Variants in FOXP1 observed in about 807,000 individuals in gnomAD.
FOXP1 encodes the protein forkhead box protein P1.
A neutral mutation model predicts 98.2 loss-of-function variants in FOXP1; 15 were observed. That is an observed-to-expected ratio of 0.15 (90% CI 0.10 to 0.24). The LOEUF is 0.24. FOXP1 is among the 10% of genes least tolerant of loss of function. The pLI, the probability that FOXP1 is intolerant of heterozygous loss-of-function variation, is 1.00. For synonymous variants in FOXP1, 371 were observed against 314.5 expected, an observed-to-expected ratio of 1.18 and a Z score of -1.90; for missense variants, 633 against 848.5, an observed-to-expected ratio of 0.75 and a Z score of 3.15.
intron 11 of FOXP1, among the ~76,000 whole-genome samples, chr3:71,024,995 C>T (rs1264078495): frequency 6.6e-6 from 1 of 152,190 alleles, no homozygotes; most frequent in Non-Finnish European, 1.5e-5. Context: ...TATACCCTCA[C>T]TTCCATAGTT....
At chr3:71,324,867 G>C (rs1237689030) in intron 4 of FOXP1, among the ~76,000 whole-genome samples, 2 of 151,980 alleles carry the variant, frequency 1.3e-5, no homozygotes, top group Admixed American at 1.3e-4. Flanking sequence ...TTGGAACAAA[G>C]GGCCATGCTA....
intron 6 of FOXP1, among the ~76,000 whole-genome samples, chr3:71,173,388 C>CACACAG (rs1239188609): frequency 2.8e-5 from 3 of 107,638 alleles, no homozygotes; most frequent in African/African-American, 9.5e-5. Flanking sequence ...AAAATTCACA[C>CACACAG]ACACACACAC....
intron 6 of FOXP1, among the ~76,000 whole-genome samples, chr3:71,185,038 C>G (rs1395268570): frequency 6.6e-6 from 1 of 151,900 alleles, no homozygotes; most frequent in Non-Finnish European, 1.5e-5. Flanking sequence ...ACTAAAAATA[C>G]AAAAATTAGC....
chr3:71,224,945 T>C (rs1222185403), intron 5 of FOXP1, among the ~76,000 whole-genome samples: 1 of 152,140 alleles, frequency 6.6e-6, no homozygotes, highest in African/African-American at 2.4e-5. Flanking sequence ...AGTCAATATT[T>C]TGAATGAGTG....
chr3:71,174,783 C>CAT (rs1308775734), intron 6 of FOXP1, among the ~76,000 whole-genome samples: 44 of 131,950 alleles, frequency 3.3e-4, no homozygotes, highest in Admixed American at 2.0e-3. Flanking sequence ...TATGCACATG[C>CAT]ATACACACAC....
At chr3:71,267,971 T>A (rs560224943) in intron 5 of FOXP1, among the ~76,000 whole-genome samples, 13 of 133,004 alleles carry the variant, frequency 9.8e-5, no homozygotes, top group African/African-American at 3.7e-4. Context: ...TGAGCTGAGA[T>A]CACAGCACTG....
At chr3:71,193,210 G>C (rs142092256) in intron 6 of FOXP1, among the ~76,000 whole-genome samples, 16,974 of 109,678 alleles carry the variant, frequency 0.15, 2,142 homozygotes, top group African/African-American at 0.27. Flanking sequence ...TGCAGTGGTG[G>C]GATCTCGGCT....
chr3:70,960,684 G>T (rs1023977383), intron 20 of FOXP1, among the ~76,000 whole-genome samples: 2 of 152,048 alleles, frequency 1.3e-5, no homozygotes, highest in East Asian at 3.8e-4. Flanking sequence ...AATTGATGCT[G>T]TATGCAAACC....
In FOXP1 at chr3:71,483,433, A is replaced by G. The variant is rs74750153; in HGVS notation, c.-168+9993T>C. Among the ~76,000 whole-genome samples the G allele has an allele frequency of 8.9e-3, 1,349 of 152,268 alleles. 6 individuals carry two copies. Among genetic ancestry groups the G allele is most frequent in the Non-Finnish European group, 0.015 (1,003 of 68,032 alleles). On this transcript the variant is annotated intron_variant, in intron 3 of 20. Coordinates refer to ENST00000649528, the MANE Select transcript of FOXP1 (RefSeq NM_001349338.3). ...GGCCGGTCCTCGCCACTACTTCCCA[A>G]TCTTCTTCCAGACTGGGGCTTGGCA...
At chr3:71,091,298 T>C (rs985357925) in intron 7 of FOXP1, among the ~76,000 whole-genome samples, 1 of 152,022 alleles carries the variant, frequency 6.6e-6, no homozygotes, top group Non-Finnish European at 1.5e-5. Context: ...GAGACCAGCC[T>C]GACCAACATG....
intron 3 of FOXP1, among the ~76,000 whole-genome samples, chr3:71,393,750 AG>A (rs1366902120): frequency 6.6e-6 from 1 of 152,218 alleles, no homozygotes; most frequent in Admixed American, 6.5e-5. Context: ...AAATCAAAGC[AG>A]TTTTAACATT....
Position 71,223,709 on chromosome 3 carries a change from A to G in FOXP1, c.-11-25317T>C, listed in dbSNP as rs563338445. Among the ~76,000 whole-genome samples the G allele has an allele frequency of 4.4e-3, 664 of 152,120 alleles. 3 individuals carry two copies. The highest frequency in any genetic ancestry group is 0.014 in the African/African-American group (564 of 41,478). On this transcript the variant is annotated intron_variant, in intron 5 of 20. Transcript: ENST00000649528. ...ACTACGTCTCAAAAAAAAAAAAAAA[A>G]AAAGAAAATATTTCATTCTAAAGTA... is the stretch of plus-strand genomic sequence containing the variant.
intron 2 of FOXP1, among the ~76,000 whole-genome samples, chr3:71,553,497 T>C (rs1437888437): frequency 6.6e-6 from 1 of 152,216 alleles, no homozygotes; most frequent in Non-Finnish European, 1.5e-5. Flanking sequence ...AATGTTCACT[T>C]TTTGAGCTCA....
chr3:71,581,770 C>CG (rs1464824060), intron 1 of FOXP1, 73 bp from the exon 2 acceptor site: 2 of 985,660 alleles, frequency 2.0e-6, no homozygotes, highest in African/African-American at 3.5e-5. Flanking sequence ...CTGAAGGGGA[C>CG]GGGACGGGTG....
At chr3:71,343,918 A>C (rs899590574) in intron 4 of FOXP1, among the ~76,000 whole-genome samples, 1 of 152,228 alleles carries the variant, frequency 6.6e-6, no homozygotes, top group African/African-American at 2.4e-5. Context: ...GTCAACACTA[A>C]GGAAAGCAGG....
chr3:70,981,353 T>C (rs1259316104), intron 14 of FOXP1, among the ~76,000 whole-genome samples: 4 of 152,156 alleles, frequency 2.6e-5, no homozygotes, highest in Admixed American at 6.5e-5. Flanking sequence ...GAGAGGGGGC[T>C]TACCAGGCTT....
chr3:71,117,413 G>A (rs1449429493), intron 6 of FOXP1, among the ~76,000 whole-genome samples: 1 of 152,198 alleles, frequency 6.6e-6, no homozygotes, highest in Non-Finnish European at 1.5e-5. Flanking sequence ...CAACTGAGGA[G>A]TGAGAATGGA....
chr3:71,286,324 C>A (rs1205371571), intron 5 of FOXP1, among the ~76,000 whole-genome samples: 1 of 150,716 alleles, frequency 6.6e-6, no homozygotes, highest in Non-Finnish European at 1.5e-5. Flanking sequence ...CCCGCCCCGC[C>A]CGCCAGCACA....
At chr3:71,429,156 G>T (rs2084443466) in intron 3 of FOXP1, among the ~76,000 whole-genome samples, 1 of 152,096 alleles carries the variant, frequency 6.6e-6, no homozygotes, top group African/African-American at 2.4e-5. Flanking sequence ...GCTCTGCATG[G>T]CCCATGGAGT....
Sources: gnomAD v4.1 joint callset for allele counts (sites outside exome capture counted in the v4.1 genomes callset) on GRCh38, gnomAD v4.1.1 for gene constraint, MANE v1.5 for transcripts, NCBI Gene and HGNC (gene_info 2026-07-23, HGNC 2026-07-21) for gene names.